COL4A3: variants seen among roughly 807,000 people sequenced by gnomAD.
The protein encoded by COL4A3 is collagen type IV alpha 3 chain.
Under a neutral mutation model 217.4 loss-of-function variants are expected in COL4A3, and 135 were observed. That is an observed-to-expected ratio of 0.62 (90% CI 0.54 to 0.72). The LOEUF (loss-of-function observed/expected upper bound fraction) is 0.72. Among genes scored for constraint, COL4A3 ranks in the 30% least tolerant of loss-of-function variants. COL4A3 has a pLI of 0.00. For synonymous variants in COL4A3, 690 were observed against 736.3 expected, an observed-to-expected ratio of 0.94 and a Z score of 1.02; for missense variants, 1,868 against 2,119.9, an observed-to-expected ratio of 0.88 and a Z score of 2.33.
intron 1 of COL4A3, among the ~76,000 whole-genome samples, chr2:227,205,952 G>A (rs567321565): frequency 1.4e-3 from 213 of 152,284 alleles, no homozygotes; most frequent in Middle Eastern, 3.4e-3. Context: ...TAGGGCAATG[G>A]TTCTCACCCT....
intron 36 of COL4A3, 151 bp from the exon 37 acceptor site, chr2:227,290,596 T>C: frequency 1.6e-6 from 1 of 634,182 alleles, no homozygotes; most frequent in Non-Finnish European, 2.7e-6. Flanking sequence ...AATATTGATA[T>C]TATATAATAA....
intron 1 of COL4A3, among the ~76,000 whole-genome samples, chr2:227,230,771 A>G (rs2068359628): frequency 6.6e-6 from 1 of 152,222 alleles, no homozygotes; most frequent in Non-Finnish European, 1.5e-5. Context: ...TAATATCATG[A>G]GTCTTGAGCT....
At chr2:227,270,240 T>C (rs1158284460) in intron 24 of COL4A3, among the ~76,000 whole-genome samples, 2 of 152,138 alleles carry the variant, frequency 1.3e-5, no homozygotes, top group Non-Finnish European at 2.9e-5. Flanking sequence ...TCATTGCAAA[T>C]AGGTTTGAGG....
At chr2:227,192,157 G>A (rs555793703) in intron 1 of COL4A3, among the ~76,000 whole-genome samples, 29 of 152,244 alleles carry the variant, frequency 1.9e-4, no homozygotes, top group Non-Finnish European at 2.8e-4. Context: ...GTTGCAAAAC[G>A]TCATTGAAAA....
At position 227,191,594 on chromosome 2, in the gene COL4A3, G is replaced by A. The variant is rs936631978; in HGVS notation, c.87+26781G>A. Among the ~76,000 whole-genome samples the A allele has an allele frequency of 2.0e-5, 3 of 152,162 alleles. No homozygotes were observed. The highest frequency in any genetic ancestry group is 7.2e-5 in the African/African-American group (3 of 41,444). On this transcript the variant is annotated intron_variant, in intron 1 of 51. Coordinates refer to ENST00000396578, the MANE Select transcript of COL4A3 (RefSeq NM_000091.5). The surrounding 1 kb of genome is among the most constrained non-coding windows in gnomAD (Gnocchi z 6.8). ...GAGATTACAGTGACTCAGCAAATCAGGATGATCAGATTTCAAAGTCGGCCA... is the reference window on the plus strand; with the variant it reads ...GAGATTACAGTGACTCAGCAAATCAAGATGATCAGATTTCAAAGTCGGCCA...
rs77280016 is a variant in COL4A3 at position 227,260,871 on chromosome 2, C to G, written c.1115-211C>G. Among the ~76,000 whole-genome samples the G allele has an allele frequency of 0.013, 2,044 of 152,190 alleles. 40 individuals are homozygous for G. The highest frequency in any genetic ancestry group is 0.047 in the African/African-American group (1,969 of 41,506). On this transcript the variant is annotated intron_variant, in intron 19 of 51. Transcript: ENST00000396578. Reference sequence around the variant, plus strand: ...GAATTATGTGAAAATGATAAGGCAGCATGATTTACTTTTGAGTGTTAGACT... The same window carrying G: ...GAATTATGTGAAAATGATAAGGCAGGATGATTTACTTTTGAGTGTTAGACT...
chr2:227,289,203 G>A lies in COL4A3; in HGVS notation c.2935G>A (p.Gly979Ser), dbSNP rs948395447. The change falls in exon 35 of 52, where the codon GGT becomes AGT. Residue 979 changes from glycine (G) to serine (S), a missense_variant. Gly to Ser is a moderately conservative substitution (Grantham distance 56). Coordinates refer to ENST00000396578, the MANE Select transcript of COL4A3 (RefSeq NM_000091.5). ...AAACAGAGGCGTTCCAGGGATGCCAGGTTTAAAGGGCCTCAAAGGACTACC... is the reference window on the plus strand; with the variant it reads ...AAACAGAGGCGTTCCAGGGATGCCAAGTTTAAAGGGCCTCAAAGGACTACC... ...KGNRGVPGMP[G>S]LKGLKGLPGP... is the part of the protein sequence containing the mutation. 2 of 1,613,956 alleles carry A rather than the reference G, an allele frequency of 1.2e-6. No homozygotes were observed. Among genetic ancestry groups the A allele is most frequent in the African/African-American group, 1.3e-5 (1 of 75,034 alleles).
At chr2:227,311,275 C>T (rs1324324029) in intron 51 of COL4A3, among the ~76,000 whole-genome samples, 1 of 152,112 alleles carries the variant, frequency 6.6e-6, no homozygotes, top group East Asian at 1.9e-4. Flanking sequence ...TTCTTTAATG[C>T]TGCTGAAATA....
intron 43 of COL4A3, among the ~76,000 whole-genome samples, chr2:227,299,348 T>C (rs2073178844): frequency 6.6e-6 from 1 of 152,178 alleles, no homozygotes; most frequent in African/African-American, 2.4e-5. Context: ...TGAGCCGAGA[T>C]AGCGCCACTG....
At chr2:227,184,149 G>C (rs1009838972) in intron 1 of COL4A3, among the ~76,000 whole-genome samples, 10 of 152,142 alleles carry the variant, frequency 6.6e-5, no homozygotes, top group African/African-American at 2.4e-4. Context: ...GCAACCTTCT[G>C]CCTCAGCCAA....
chr2:227,191,263 C>T lies in COL4A3; in HGVS notation c.87+26450C>T, dbSNP rs533647119. 1.8e-4 allele frequency among the ~76,000 whole-genome samples: 27 copies of T among 151,986 alleles called. No individual in the cohort carries two copies. Among genetic ancestry groups the T allele is most frequent in the East Asian group, 9.7e-4 (5 of 5,168 alleles). On this transcript the variant is annotated intron_variant, in intron 1 of 51. Transcript: ENST00000396578. This position sits in a 1 kb window ranked among gnomAD's most constrained non-coding sequence, Gnocchi z 6.8. ...CTGCTTGATTTGGAAGTACATTCCT[C>T]GTACACATTCCCAGAAATGGATTTT...
At position 227,314,564 on chromosome 2, in the gene COL4A3, T is replaced by G. The variant is rs2073841189; in HGVS notation, c.*2694T>G. On this transcript the variant is annotated 3_prime_UTR_variant, in exon 52 of 52. Transcript: ENST00000396578. The stretch of plus-strand genomic sequence containing the variant: ...GTATTAAAATGCTTACATTTGAACT[T>G]GATGGCTAACTTACAAAGATTCTCT... The G allele has an allele frequency of 6.6e-6, 1 of 152,612 alleles. No individual in the cohort carries two copies. Among genetic ancestry groups the G allele is most frequent in the African/African-American group, 2.4e-5 (1 of 41,452 alleles). 9.5% of individuals were successfully genotyped at this position (152,612 alleles called of 1,614,324 possible). A position where few individuals can be genotyped will look rare whatever the true frequency, so the allele number is the denominator to read the frequency against.
chr2:227,192,208 TCTGA>T (rs1350779852), intron 1 of COL4A3, among the ~76,000 whole-genome samples: 1 of 152,132 alleles, frequency 6.6e-6, no homozygotes, highest in African/African-American at 2.4e-5. Context: ...TACTCCAGGT[TCTGA>T]CTATCAATTT....
At chr2:227,239,030 A>G (rs2068863211) in intron 2 of COL4A3, among the ~76,000 whole-genome samples, 1 of 152,190 alleles carries the variant, frequency 6.6e-6, no homozygotes, top group Admixed American at 6.5e-5. Flanking sequence ...AATGTAAAAT[A>G]GCTGACTTGT....
intron 1 of COL4A3, among the ~76,000 whole-genome samples, chr2:227,189,649 A>T (rs2066156220): frequency 6.6e-6 from 1 of 152,202 alleles, no homozygotes; most frequent in Non-Finnish European, 1.5e-5. Flanking sequence ...CCAGAGTTCT[A>T]ATTTGCAGGC....
intron 32 of COL4A3, 144 bp from the exon 33 acceptor site, chr2:227,283,623 A>G (rs1559898332): frequency 1.4e-6 from 1 of 695,336 alleles, no homozygotes; most frequent in South Asian, 1.7e-5. Flanking sequence ...CTCCTAGACT[A>G]ATACAGTAAT....
intron 1 of COL4A3, among the ~76,000 whole-genome samples, chr2:227,228,078 C>A (rs1176266383): frequency 2.0e-5 from 3 of 152,238 alleles, no homozygotes; most frequent in Non-Finnish European, 4.4e-5. Context: ...TGCTTGCTGT[C>A]ATCCAGAAAA....
At chr2:227,237,615 G>A (rs981644094) in intron 1 of COL4A3, among the ~76,000 whole-genome samples, 2 of 152,006 alleles carry the variant, frequency 1.3e-5, no homozygotes, top group African/African-American at 4.8e-5. Context: ...ATATTATCCT[G>A]AAAAAAAGGA....
chr2:227,234,703 G>A (rs532532154), intron 1 of COL4A3, among the ~76,000 whole-genome samples: 17 of 152,336 alleles, frequency 1.1e-4, no homozygotes, highest in African/African-American at 4.1e-4. Context: ...CTCAATGGGA[G>A]TGTATAGGCA....
Sources: allele counts gnomAD v4.1 joint callset (sites outside exome capture counted in the v4.1 genomes callset), GRCh38; gene constraint gnomAD v4.1.1; non-coding constraint Gnocchi (gnomAD v3.1); transcripts MANE v1.5; gene names NCBI Gene and HGNC (gene_info 2026-07-23, HGNC 2026-07-21).